AUTS2: variants seen among roughly 807,000 people sequenced by gnomAD.
AUTS2 encodes autism susceptibility gene 2 protein.
Under a neutral mutation model 112.4 loss-of-function variants are expected in AUTS2, and 17 were observed. The observed-to-expected ratio is 0.15, with a 90% confidence interval of 0.10 to 0.23. AUTS2 has a LOEUF of 0.23. Ranked by LOEUF, AUTS2 falls within the 10% of genes least tolerant of loss-of-function variation. The pLI is 1.00. For synonymous variants in AUTS2, 751 were observed against 702.7 expected, an observed-to-expected ratio of 1.07 and a Z score of -1.09; for missense variants, 1,510 against 1,701.6, an observed-to-expected ratio of 0.89 and a Z score of 1.98.
At chr7:69,654,227 C>A (rs1203925179) in intron 1 of AUTS2, among the ~76,000 whole-genome samples, 1 of 152,132 alleles carries the variant, frequency 6.6e-6, no homozygotes, top group African/African-American at 2.4e-5. Context: ...TTGAAGTCAT[C>A]TTGATTCACT....
Position 69,918,675 on chromosome 7 carries a change from T to G in AUTS2, c.522+19177T>G, listed in dbSNP as rs542844089. 1.5e-3 allele frequency among the ~76,000 whole-genome samples: 232 copies of G among 152,338 alleles called. 2 individuals are homozygous for G. Among genetic ancestry groups the G allele is most frequent in the Non-Finnish European group, 2.9e-3 (197 of 68,020 alleles). Reference sequence around the variant, plus strand: ...GCTTAAAAAGTGACCACAAGTGTGCTAAAAGGTTTATTTGAGGTAACCACA... The same window carrying G: ...GCTTAAAAAGTGACCACAAGTGTGCGAAAAGGTTTATTTGAGGTAACCACA... On this transcript the variant is annotated intron_variant, in intron 2 of 18. Transcript: ENST00000342771.
chr7:69,975,175 T>C (rs1375751328), intron 2 of AUTS2, among the ~76,000 whole-genome samples: 3 of 152,144 alleles, frequency 2.0e-5, no homozygotes, highest in African/African-American at 7.2e-5. Flanking sequence ...TTTCAAGCCA[T>C]TGAAAAATGT....
At chr7:69,856,742 GA>G (rs1356102543) in intron 1 of AUTS2, among the ~76,000 whole-genome samples, 2 of 152,162 alleles carry the variant, frequency 1.3e-5, no homozygotes, top group African/African-American at 4.8e-5. Context: ...TTCTGAACAA[GA>G]AAATATTAGC....
chr7:70,377,410 A>G (rs1457673177), intron 4 of AUTS2, among the ~76,000 whole-genome samples: 2 of 137,558 alleles, frequency 1.5e-5, no homozygotes, highest in East Asian at 2.1e-4. Flanking sequence ...GTTGTATAAA[A>G]TATTGTAATG....
At chr7:70,138,046 A>G (rs1053125623) in intron 4 of AUTS2, among the ~76,000 whole-genome samples, 4 of 152,136 alleles carry the variant, frequency 2.6e-5, no homozygotes, top group African/African-American at 7.2e-5. Context: ...TCCACATATT[A>G]TGGTTGTTCT....
intron 2 of AUTS2, among the ~76,000 whole-genome samples, chr7:69,946,454 C>G (rs1796813045): frequency 6.6e-6 from 1 of 152,164 alleles, no homozygotes. Context: ...AAATAGCTAT[C>G]TGCACTACCA....
intron 1 of AUTS2, among the ~76,000 whole-genome samples, chr7:69,704,254 C>A: frequency 6.6e-6 from 1 of 152,112 alleles, no homozygotes; most frequent in East Asian, 1.9e-4. Context: ...CCATATTAGG[C>A]TCTCTACAGT....
At chr7:70,273,289 C>T (rs1040152082) in intron 4 of AUTS2, among the ~76,000 whole-genome samples, 5 of 152,122 alleles carry the variant, frequency 3.3e-5, no homozygotes, top group South Asian at 2.1e-4. Flanking sequence ...AGCAATCTGC[C>T]GGCCTCAGCC....
rs138260965 is a variant in AUTS2, at chr7:70,624,507, A to G, written c.691-74062A>G. On this transcript the variant is annotated intron_variant, in intron 5 of 18. Coordinates refer to ENST00000342771, the MANE Select transcript of AUTS2 (RefSeq NM_015570.4). ...AGGCGAAGTATAAACAAATGAATAC[A>G]AATTTTATTTTCAGGTCCCCACATT... Among the ~76,000 whole-genome samples, 161 of 152,330 alleles carry G rather than the reference A, an allele frequency of 1.1e-3. 1 individual carries two copies. Among genetic ancestry groups the G allele is most frequent in the African/African-American group, 3.7e-3 (152 of 41,572 alleles).
At chr7:70,665,384 C>G (rs1807279212) in intron 5 of AUTS2, among the ~76,000 whole-genome samples, 1 of 152,088 alleles carries the variant, frequency 6.6e-6, no homozygotes, top group Admixed American at 6.5e-5. Context: ...CCGCCTCAGT[C>G]TCCTGAGTAG....
intron 1 of AUTS2, among the ~76,000 whole-genome samples, chr7:69,719,791 C>T (rs1798819712): frequency 6.6e-6 from 1 of 152,134 alleles, no homozygotes; most frequent in African/African-American, 2.4e-5. Context: ...GGATGTAAGG[C>T]ATCATCATGA....
chr7:70,468,505 T>TC (rs1797253831), intron 5 of AUTS2, among the ~76,000 whole-genome samples: 3 of 152,136 alleles, frequency 2.0e-5, no homozygotes, highest in Admixed American at 2.0e-4. Context: ...ACAAGTTACC[T>TC]CCCCACATGC....
intron 3 of AUTS2, chr7:70,119,554 G>A (rs1805574952): frequency 6.6e-6 from 1 of 151,820 alleles, no homozygotes; most frequent in Non-Finnish European, 1.5e-5. Flanking sequence ...CAATAGAGAT[G>A]GGGTTTCACC....
chr7:70,303,687 CTT>C (rs1235944632), intron 4 of AUTS2, among the ~76,000 whole-genome samples: 1 of 152,176 alleles, frequency 6.6e-6, no homozygotes, highest in Non-Finnish European at 1.5e-5. Flanking sequence ...TAAAGGCCAT[CTT>C]CTGGCCCCCA....
At chr7:70,697,054 G>A (rs1162548203) in intron 5 of AUTS2, among the ~76,000 whole-genome samples, 2 of 152,112 alleles carry the variant, frequency 1.3e-5, no homozygotes, top group African/African-American at 4.8e-5. Context: ...TAATATTTCA[G>A]TGTAGCATCA....
At chr7:69,753,631 G>T (rs1475139006) in intron 1 of AUTS2, among the ~76,000 whole-genome samples, 1 of 152,202 alleles carries the variant, frequency 6.6e-6, no homozygotes, top group Non-Finnish European at 1.5e-5. Context: ...TTAGTGTCAG[G>T]AAAGTCCAAA....
intron 1 of AUTS2, among the ~76,000 whole-genome samples, chr7:69,642,275 A>T (rs1346211901): frequency 6.6e-6 from 1 of 151,870 alleles, no homozygotes; most frequent in Non-Finnish European, 1.5e-5. Flanking sequence ...TTCTTATCCT[A>T]TTTTTTTTAT....
chr7:69,736,825 A>T (rs1787050189), intron 1 of AUTS2, among the ~76,000 whole-genome samples: 1 of 152,140 alleles, frequency 6.6e-6, no homozygotes, highest in Non-Finnish European at 1.5e-5. Flanking sequence ...CTTAAGGGTT[A>T]CCCTGGACGA....
intron 5 of AUTS2, among the ~76,000 whole-genome samples, chr7:70,605,475 T>C (rs1193905968): frequency 6.6e-6 from 1 of 150,926 alleles, no homozygotes; most frequent in Non-Finnish European, 1.5e-5. Context: ...CTCCTGGTAC[T>C]AAATACTATA....
Sources: gnomAD v4.1 joint callset for allele counts (sites outside exome capture counted in the v4.1 genomes callset) on GRCh38, gnomAD v4.1.1 for gene constraint, MANE v1.5 for transcripts, NCBI Gene and HGNC (gene_info 2026-07-23, HGNC 2026-07-21) for gene names.